The following EPHB1 variants were observed in gnomAD, a reference collection of about 807,000 sequenced individuals.
EPHB1 encodes EPH receptor B1.
Under a neutral mutation model 94.4 loss-of-function variants are expected in EPHB1, and 30 were observed. The observed-to-expected ratio is 0.32, with a 90% confidence interval of 0.24 to 0.43. The LOEUF is 0.43. Ranked by LOEUF, EPHB1 falls within the 20% of genes least tolerant of loss-of-function variation. EPHB1 has a pLI of 1.00. For missense variants in EPHB1, 1,055 were observed against 1,308.3 expected (o/e 0.81, Z 2.99); for synonymous variants, 522 against 489.1 (o/e 1.07, Z -0.89).
At chr3:134,973,712 G>C (rs139479218) in intron 3 of EPHB1, among the ~76,000 whole-genome samples, 2 of 152,076 alleles carry the variant, frequency 1.3e-5, no homozygotes, top group East Asian at 3.9e-4. Flanking sequence ...GATTACAGGC[G>C]TGAGCCACTG....
chr3:134,869,285 G>A (rs1335180768), intron 1 of EPHB1, among the ~76,000 whole-genome samples: 3 of 152,214 alleles, frequency 2.0e-5, no homozygotes, highest in African/African-American at 7.2e-5. Context: ...ACACTGGGAG[G>A]ATTAAACAGT....
At chr3:134,816,590 T>C (rs1301527151) in intron 1 of EPHB1, among the ~76,000 whole-genome samples, 1 of 152,112 alleles carries the variant, frequency 6.6e-6, no homozygotes. Flanking sequence ...GTGGTAGTTA[T>C]TAGTATTGTC....
At chr3:135,119,598 C>T (rs573725391) in intron 4 of EPHB1, among the ~76,000 whole-genome samples, 8 of 152,156 alleles carry the variant, frequency 5.3e-5, no homozygotes, top group East Asian at 3.9e-4. Context: ...GCTACAGGTA[C>T]GCATCACCAT....
At chr3:134,983,169 A>C (rs1333396635) in intron 3 of EPHB1, among the ~76,000 whole-genome samples, 3 of 152,182 alleles carry the variant, frequency 2.0e-5, no homozygotes, top group Non-Finnish European at 4.4e-5. Flanking sequence ...TCACAGGTCA[A>C]ATTGCTTTGT....
chr3:135,096,023 C>A (rs1938746135), intron 3 of EPHB1, among the ~76,000 whole-genome samples: 1 of 152,210 alleles, frequency 6.6e-6, no homozygotes, highest in Admixed American at 6.5e-5. Flanking sequence ...TGGGGAACAT[C>A]TTTGTGTTTT....
intron 3 of EPHB1, among the ~76,000 whole-genome samples, chr3:135,025,071 A>G (rs2107756398): frequency 6.8e-6 from 1 of 146,234 alleles, no homozygotes; most frequent in South Asian, 2.2e-4. Context: ...GCGTGTTTAG[A>G]TTATTATATC....
intron 3 of EPHB1, among the ~76,000 whole-genome samples, chr3:135,094,864 T>A (rs1355949723): frequency 6.6e-6 from 1 of 152,074 alleles, no homozygotes; most frequent in Non-Finnish European, 1.5e-5. Context: ...TGGTCAGAGG[T>A]CTGTTCCCTG....
At chr3:134,826,574 T>G (rs1018993234) in intron 1 of EPHB1, among the ~76,000 whole-genome samples, 2 of 152,140 alleles carry the variant, frequency 1.3e-5, no homozygotes, top group African/African-American at 4.8e-5. Flanking sequence ...TTTATTTCAT[T>G]CTCCACTATA....
At chr3:134,899,484 A>AT (rs2038154583) in intron 1 of EPHB1, among the ~76,000 whole-genome samples, 1 of 152,130 alleles carries the variant, frequency 6.6e-6, no homozygotes. Flanking sequence ...TGACTAGCAC[A>AT]TTCCTACTCA....
intron 10 of EPHB1, among the ~76,000 whole-genome samples, chr3:135,183,474 A>G (rs1942245843): frequency 6.6e-6 from 1 of 152,184 alleles, no homozygotes; most frequent in Non-Finnish European, 1.5e-5. Context: ...TTCATTAAAC[A>G]TTGTTTCTGT....
chr3:134,894,803 A>G (rs1447961758), intron 1 of EPHB1, among the ~76,000 whole-genome samples: 1 of 152,224 alleles, frequency 6.6e-6, no homozygotes, highest in Admixed American at 6.5e-5. Flanking sequence ...ATCTGCAGAA[A>G]CACATTGAAG....
At chr3:135,159,046 C>T (rs928485394) in intron 6 of EPHB1, among the ~76,000 whole-genome samples, 9 of 152,120 alleles carry the variant, frequency 5.9e-5, no homozygotes, top group Admixed American at 2.0e-4. Context: ...AGTTGTTGAG[C>T]GCCCAGGTGG....
At chr3:135,250,977 C>G (rs530139292) in intron 15 of EPHB1, among the ~76,000 whole-genome samples, 1 of 152,148 alleles carries the variant, frequency 6.6e-6, no homozygotes, top group Admixed American at 6.5e-5. Flanking sequence ...GCTGAGCCCC[C>G]AGGGACAGCT....
chr3:135,234,327 C>A (rs1442498056), intron 12 of EPHB1, among the ~76,000 whole-genome samples: 1 of 152,210 alleles, frequency 6.6e-6, no homozygotes, highest in African/African-American at 2.4e-5. Context: ...CCAACAAGTT[C>A]TTCTTCTCCA....
chr3:135,171,002 G>T (rs75044259), intron 9 of EPHB1, among the ~76,000 whole-genome samples: 1 of 152,272 alleles, frequency 6.6e-6, no homozygotes, highest in East Asian at 1.9e-4. Flanking sequence ...CTTTAGATTG[G>T]CAAACACCCT....
chr3:135,039,562 G>C (rs576053364), intron 3 of EPHB1, among the ~76,000 whole-genome samples: 21 of 152,246 alleles, frequency 1.4e-4, no homozygotes, highest in Non-Finnish European at 3.1e-4. Context: ...TGCAGGTCCC[G>C]AGCCCTGCCC....
chr3:134,850,819 G>A (rs2036965117), intron 1 of EPHB1, among the ~76,000 whole-genome samples: 1 of 152,226 alleles, frequency 6.6e-6, no homozygotes, highest in Non-Finnish European at 1.5e-5. Flanking sequence ...CTACTCTGAG[G>A]GCACGAGGGA....
intron 5 of EPHB1, among the ~76,000 whole-genome samples, chr3:135,137,791 G>A (rs369338912): frequency 6.6e-6 from 1 of 152,198 alleles, no homozygotes; most frequent in Admixed American, 6.5e-5. Flanking sequence ...TCTTCAGCTA[G>A]AGAGCAATTT....
chr3:135,099,914 C>A (rs1938970086), intron 3 of EPHB1, among the ~76,000 whole-genome samples: 1 of 152,156 alleles, frequency 6.6e-6, no homozygotes, highest in African/African-American at 2.4e-5. Flanking sequence ...TTCTTCCTGG[C>A]CAGAAGCATG....
Sources: allele counts gnomAD v4.1 joint callset (sites outside exome capture counted in the v4.1 genomes callset), GRCh38; gene constraint gnomAD v4.1.1; transcripts MANE v1.5; gene names NCBI Gene and HGNC (gene_info 2026-07-23, HGNC 2026-07-21).